The following ZFHX3 variants were observed in gnomAD, a reference collection of about 807,000 sequenced individuals.
ZFHX3 encodes the protein zinc finger homeobox 3, also known as zinc finger homeobox protein 3.
In ZFHX3, 42 loss-of-function variants were observed where a neutral mutation model predicts 279.1. The observed-to-expected ratio is 0.15, with a 90% CI of 0.12 to 0.19. ZFHX3 has a LOEUF of 0.19. Among genes scored for constraint, ZFHX3 ranks in the 10% least tolerant of loss-of-function variants. ZFHX3 has a pLI of 1.00. For missense variants in ZFHX3, 4,981 were observed against 4,754.0 expected, an observed-to-expected ratio of 1.05 and a Z score of -1.40; for synonymous variants, 2,293 against 1,957.8, an observed-to-expected ratio of 1.17 and a Z score of -4.52.
At chr16:73,436,173 T>C (rs2017994716) in intron 3 of ZFHX3, among the ~76,000 whole-genome samples, 1 of 152,112 alleles carries the variant, frequency 6.6e-6, no homozygotes, top group Non-Finnish European at 1.5e-5. Context: ...CTACAAAAAA[T>C]AGCTGGCCAT....
chr16:73,057,249 A>G (rs1157421285), intron 1 of ZFHX3, among the ~76,000 whole-genome samples: 1 of 152,240 alleles, frequency 6.6e-6, no homozygotes, highest in African/African-American at 2.4e-5. Context: ...GAATAGCACA[A>G]CATTGAACAA....
At chr16:73,028,667 C>T (rs1567640522) in intron 1 of ZFHX3, among the ~76,000 whole-genome samples, 1 of 152,228 alleles carries the variant, frequency 6.6e-6, no homozygotes, top group Non-Finnish European at 1.5e-5. Flanking sequence ...TCTGCCAAGA[C>T]CCCCACTGGT....
chr16:73,227,246 G>A (rs1336194549), intron 5 of ZFHX3, among the ~76,000 whole-genome samples: 1 of 152,222 alleles, frequency 6.6e-6, no homozygotes, highest in African/African-American at 2.4e-5. Flanking sequence ...TTTTTAACCT[G>A]TGGTTCTTAA....
intron 1 of ZFHX3, among the ~76,000 whole-genome samples, chr16:73,863,218 T>C (rs998017299): frequency 2.0e-5 from 3 of 151,800 alleles, no homozygotes; most frequent in African/African-American, 4.8e-5. Context: ...AATAAACAAA[T>C]AAATAAATAA....
chr16:73,632,962 C>A (rs1366636715), intron 2 of ZFHX3, among the ~76,000 whole-genome samples: 2 of 152,030 alleles, frequency 1.3e-5, no homozygotes, highest in Non-Finnish European at 2.9e-5. Context: ...GCCTGTAGTC[C>A]CAGCTACTCG....
At chr16:73,880,654 T>A (rs2030115853) in intron 1 of ZFHX3, among the ~76,000 whole-genome samples, 1 of 152,060 alleles carries the variant, frequency 6.6e-6, no homozygotes, top group South Asian at 2.1e-4. Flanking sequence ...AAGAGTAAAA[T>A]CTCTCAAGTC....
In ZFHX3 at chr16:73,101,105, T is replaced by C. The variant is rs189929187; in HGVS notation, c.-896-7507A>G. Among the ~76,000 whole-genome samples the C allele has an allele frequency of 2.0e-5, 3 of 152,034 alleles. No homozygotes were observed. In the East Asian group the frequency reaches 5.8e-4, roughly 29 times the overall value. On this transcript the variant is annotated intron_variant, in intron 7 of 17. Transcript: ENST00000641206. Reference sequence around the variant, plus strand: ...AATCCCATCAGCTCTGAGTCCCGCTTGCCTTCTTCTTGGACAATCTGATAC... The same window carrying C: ...AATCCCATCAGCTCTGAGTCCCGCTCGCCTTCTTCTTGGACAATCTGATAC...
chr16:73,539,220 C>T (rs1339762337), intron 2 of ZFHX3, among the ~76,000 whole-genome samples: 1 of 151,502 alleles, frequency 6.6e-6, no homozygotes, highest in East Asian at 1.9e-4. Flanking sequence ...ACTGTGTGGC[C>T]TGGTGGACAC....
rs193144130 is a variant in ZFHX3, at chr16:73,631,008, A to G, written c.-1547+49172T>C. ...TTACTGACTTAAAAGTGATGTTCGC[A>G]TTGTGGCATCAGTGCTTTCCCTGAG... On this transcript the variant is annotated intron_variant, in intron 2 of 17. Transcript: ENST00000641206. Among the ~76,000 whole-genome samples the G allele has an allele frequency of 4.5e-3, 625 of 137,978 alleles. 3 individuals are homozygous for G. The highest frequency in any genetic ancestry group is 0.016 in the African/African-American group (600 of 36,722). The allele number at this position is 137,978 out of a possible 152,430, so 90.5% of individuals were successfully genotyped here.
rs539925703 is a variant in ZFHX3, at chr16:73,366,247, G to A, written c.-1290-47911C>T. 7.2e-5 allele frequency among the ~76,000 whole-genome samples: 11 copies of A among 152,272 alleles called. No individual in the cohort carries two copies. In the South Asian group the frequency reaches 2.3e-3, roughly 32 times the overall value. Reference sequence around the variant, plus strand: ...GGAACAGCCTCAGTGTCCAGCAATAGGGGAGAACTTAGGAAAATTCTGAGA... The same window carrying A: ...GGAACAGCCTCAGTGTCCAGCAATAAGGGAGAACTTAGGAAAATTCTGAGA... On this transcript the variant is annotated intron_variant, in intron 3 of 17. Coordinates refer to the ZFHX3 transcript ENST00000641206.
intron 2 of ZFHX3, among the ~76,000 whole-genome samples, chr16:73,631,591 A>T (rs1194217914): frequency 6.6e-6 from 1 of 152,078 alleles, no homozygotes; most frequent in Admixed American, 6.5e-5. Context: ...TATATTTTAT[A>T]TTTTTCTGTA....
chr16:73,242,696 T>C (rs1047008522), intron 5 of ZFHX3, among the ~76,000 whole-genome samples: 1 of 152,220 alleles, frequency 6.6e-6, no homozygotes, highest in Non-Finnish European at 1.5e-5. Flanking sequence ...CCCTAAAGCT[T>C]ATAACTGATC....
intron 1 of ZFHX3, among the ~76,000 whole-genome samples, chr16:73,853,962 G>A (rs1396613296): frequency 6.6e-6 from 1 of 152,142 alleles, no homozygotes; most frequent in Non-Finnish European, 1.5e-5. Context: ...ACCTCCATCA[G>A]GATCACCCTA....
At chr16:73,060,775 T>A (rs1965673743), upstream of ZFHX3, 1 of 152,184 alleles carries the variant, frequency 6.6e-6, no homozygotes, top group African/African-American at 2.4e-5. Context: ...TTGCTAAAAC[T>A]TATTTTTCTT....
intron 3 of ZFHX3, among the ~76,000 whole-genome samples, chr16:72,907,536 T>C (rs7198066): frequency 0.32 from 46,696 of 146,302 alleles, 8,103 homozygotes; most frequent in African/African-American, 0.43. Context: ...TTCCAAAGGT[T>C]TCCTCTATTT....
intron 4 of ZFHX3, among the ~76,000 whole-genome samples, chr16:72,846,610 C>G (rs2037486916): frequency 6.6e-6 from 1 of 152,244 alleles, no homozygotes; most frequent in Non-Finnish European, 1.5e-5. Flanking sequence ...GGATGGACTG[C>G]AGTCTTTATG....
chr16:73,252,187 T>G (rs2013530431), intron 5 of ZFHX3, among the ~76,000 whole-genome samples: 1 of 152,090 alleles, frequency 6.6e-6, no homozygotes, highest in South Asian at 2.1e-4. Flanking sequence ...TACTGAAGGA[T>G]TTCAACACAA....
At chr16:73,813,366 G>C (rs1051151438) in intron 1 of ZFHX3, among the ~76,000 whole-genome samples, 1 of 151,988 alleles carries the variant, frequency 6.6e-6, no homozygotes, top group East Asian at 1.9e-4. Flanking sequence ...ATAGAGGACA[G>C]CGGCCAGGAC....
intron 1 of ZFHX3, among the ~76,000 whole-genome samples, chr16:73,886,331 G>C (rs1171188491): frequency 6.6e-6 from 1 of 151,966 alleles, no homozygotes; most frequent in Non-Finnish European, 1.5e-5. Context: ...CCCATTATTT[G>C]AGGACACAAA....
Sources: allele counts gnomAD v4.1 joint callset (sites outside exome capture counted in the v4.1 genomes callset), GRCh38; gene constraint gnomAD v4.1.1; transcripts MANE v1.5; gene names NCBI Gene and HGNC (gene_info 2026-07-23, HGNC 2026-07-21).